UIMC1: variants seen among roughly 807,000 people sequenced by gnomAD.
The protein encoded by UIMC1 is ubiquitin interaction motif containing 1, also known as BRCA1-A complex subunit RAP80.
In UIMC1, 42 loss-of-function variants were observed where a neutral mutation model predicts 84.9. The ratio of observed to expected loss-of-function variants is 0.49; its 90% confidence interval spans 0.39 to 0.64. The LOEUF (loss-of-function observed/expected upper bound fraction) is 0.64, where lower values mean the gene tolerates loss of function less well. Among genes scored for constraint, UIMC1 ranks in the 30% least tolerant of loss-of-function variants. The pLI, the probability that UIMC1 is intolerant of heterozygous loss-of-function variation, is 0.00. For missense variants in UIMC1, 825 were observed against 847.6 expected, an observed-to-expected ratio of 0.97 and a Z score of 0.33; for synonymous variants, 281 against 293.0, an observed-to-expected ratio of 0.96 and a Z score of 0.42.
intron 2 of UIMC1, among the ~76,000 whole-genome samples, chr5:176,978,488 T>C (rs947074602): frequency 2.0e-5 from 3 of 152,032 alleles, no homozygotes; most frequent in Non-Finnish European, 2.9e-5. Flanking sequence ...TGGTAGGACA[T>C]AGAAAAAAAT....
At position 176,913,983 on chromosome 5, in the gene UIMC1, AATACC is replaced by A. The variant is rs1325596019; in HGVS notation, c.1598-2599_1598-2595del. 9.1e-4 allele frequency among the ~76,000 whole-genome samples: 138 copies of A among 151,560 alleles called. 1 individual carries two copies. Among genetic ancestry groups the A allele is most frequent in the African/African-American group, 2.3e-3 (93 of 41,038 alleles). On this transcript the variant is annotated intron_variant, in intron 10 of 14. Transcript: ENST00000511320. The stretch of plus-strand genomic sequence containing the variant: ...CAGAGCTAGATCGTCTCAAAAAATT[AATACC>A]ATACCATACCATACCATAGCATACC...
intron 10 of UIMC1, among the ~76,000 whole-genome samples, chr5:176,918,145 C>A (rs1285678339): frequency 6.6e-6 from 1 of 152,206 alleles, no homozygotes; most frequent in Non-Finnish European, 1.5e-5. Flanking sequence ...TGCCTCAATT[C>A]TGTCTACCTT....
intron 7 of UIMC1, among the ~76,000 whole-genome samples, chr5:176,956,740 A>G (rs1766651562): frequency 6.6e-6 from 1 of 151,792 alleles, no homozygotes; most frequent in African/African-American, 2.4e-5. Context: ...GATTAGTTTG[A>G]TCAAGTATGC....
intron 8 of UIMC1, among the ~76,000 whole-genome samples, chr5:176,955,557 G>A (rs1010528405): frequency 3.3e-5 from 5 of 152,076 alleles, no homozygotes; most frequent in Admixed American, 6.6e-5. Flanking sequence ...TTGCACCACC[G>A]CACTCCAGGC....
Position 176,969,101 on chromosome 5 carries a change from G to A in UIMC1, c.654C>T (p.Asp218=), listed in dbSNP as rs138611827. The A allele has an allele frequency of 1.7e-5, 27 of 1,614,176 alleles. No homozygotes were observed. Among genetic ancestry groups the A allele is most frequent in the Non-Finnish European group, 2.3e-5 (27 of 1,180,034 alleles). Residue 218 remains aspartate, a synonymous_variant, in exon 6 of 15, where the codon GAC becomes GAT. Coordinates refer to ENST00000511320, the MANE Select transcript of UIMC1 (RefSeq NM_001199298.2). ...GCTCAGCCGAGTGGCCAGTACATCT[G>A]TCAAAAGATTTAACGTTCACATTCT... The part of the protein sequence containing the change: ...VFENVNVKSF[D]RCTGHSAEHT...
At chr5:177,018,788 A>G (rs979923896) in intron 1 of UIMC1, among the ~76,000 whole-genome samples, 5 of 152,216 alleles carry the variant, frequency 3.3e-5, no homozygotes, top group Non-Finnish European at 5.9e-5. Context: ...GGCACAGGGG[A>G]TGAACCCTGA....
intron 3 of UIMC1, among the ~76,000 whole-genome samples, chr5:176,973,870 C>A (rs116156335): frequency 6.6e-6 from 1 of 151,752 alleles, no homozygotes; most frequent in Non-Finnish European, 1.5e-5. Context: ...CCAACCTGGA[C>A]AACAGAGGGA....
chr5:176,942,654 G>A (rs1333276985), intron 10 of UIMC1, among the ~76,000 whole-genome samples: 1 of 151,510 alleles, frequency 6.6e-6, no homozygotes. Flanking sequence ...GCTGAGGCAG[G>A]AGAATGGTGT....
Position 176,973,842 on chromosome 5 carries a change from G to A in UIMC1, c.232+1554C>T, listed in dbSNP as rs578190393. Among the ~76,000 whole-genome samples the A allele has an allele frequency of 2.0e-5, 3 of 152,042 alleles. No individual in the cohort carries two copies. The East Asian group carries it at 5.8e-4, about 29-fold the overall frequency. The stretch of plus-strand genomic sequence containing the variant: ...CACTTGAGCCCAGGAGGCAGAGGTT[G>A]TAGTGAGCCACTGCATTCCAACCTG... On this transcript the variant is annotated intron_variant, in intron 3 of 14. Coordinates refer to ENST00000511320, the MANE Select transcript of UIMC1 (RefSeq NM_001199298.2).
chr5:176,915,045 T>C (rs1760787729), intron 10 of UIMC1, among the ~76,000 whole-genome samples: 1 of 152,218 alleles, frequency 6.6e-6, no homozygotes, highest in Admixed American at 6.5e-5. Context: ...CCATCTTGAC[T>C]ATCACGTATT....
intron 10 of UIMC1, among the ~76,000 whole-genome samples, chr5:176,935,425 T>G (rs966018499): frequency 6.6e-6 from 1 of 152,208 alleles, no homozygotes; most frequent in Admixed American, 6.5e-5. Context: ...ATTACAGTTA[T>G]GCATGTTCAT....
intron 10 of UIMC1, among the ~76,000 whole-genome samples, chr5:176,935,646 T>TA (rs1348460024): frequency 1.3e-5 from 2 of 152,194 alleles, no homozygotes; most frequent in African/African-American, 2.4e-5. Flanking sequence ...GCCACATTAA[T>TA]ATAAGTGAGA....
intron 1 of UIMC1, among the ~76,000 whole-genome samples, chr5:176,983,297 C>T (rs353485): frequency 0.9 from 135,330 of 150,960 alleles, 60,782 homozygotes; most frequent in East Asian, 0.99. Flanking sequence ...GATACTGCCA[C>T]GATCTTGGCT....
At chr5:176,992,221 G>C (rs1289758804) in intron 1 of UIMC1, among the ~76,000 whole-genome samples, 1 of 152,140 alleles carries the variant, frequency 6.6e-6, no homozygotes, top group Non-Finnish European at 1.5e-5. Flanking sequence ...GGCTTCAGGG[G>C]ATTAACTAAA....
At chr5:176,933,529 T>C (rs893745068) in intron 10 of UIMC1, among the ~76,000 whole-genome samples, 34 of 51,488 alleles carry the variant, frequency 6.6e-4, no homozygotes, top group Non-Finnish European at 1.5e-3. Context: ...TAGTTTAGAT[T>C]TTTTTTTTTT....
At chr5:176,957,028 C>A (rs757387124) in intron 7 of UIMC1, among the ~76,000 whole-genome samples, 57 of 152,110 alleles carry the variant, frequency 3.7e-4, no homozygotes, top group Non-Finnish European at 8.8e-5. Context: ...ACATTGCCTG[C>A]GATTCCAACT....
intron 9 of UIMC1, 89 bp from the exon 10 acceptor site, chr5:176,943,577 C>T (rs1377071084): frequency 2.7e-6 from 4 of 1,481,958 alleles, no homozygotes; most frequent in Non-Finnish European, 3.6e-6. Flanking sequence ...CCATATTTCA[C>T]TTACTTTCAA....
chr5:176,937,498 A>C (rs1181725377), intron 10 of UIMC1, among the ~76,000 whole-genome samples: 1 of 152,192 alleles, frequency 6.6e-6, no homozygotes. Flanking sequence ...GTCTCAAAAA[A>C]TAAAAATAAA....
chr5:176,924,398 G>A (rs1363393358), intron 10 of UIMC1, among the ~76,000 whole-genome samples: 2 of 151,696 alleles, frequency 1.3e-5, no homozygotes, highest in Non-Finnish European at 2.9e-5. Flanking sequence ...CCTGCTACCT[G>A]ACTTTAAGAC....
Sources: allele counts gnomAD v4.1 joint callset (sites outside exome capture counted in the v4.1 genomes callset), GRCh38; gene constraint gnomAD v4.1.1; transcripts MANE v1.5; gene names NCBI Gene and HGNC (gene_info 2026-07-23, HGNC 2026-07-21).